The following SP4 variants were observed in gnomAD, a reference collection of about 807,000 sequenced individuals.
SP4 encodes transcription factor Sp4.
In SP4, 19 loss-of-function variants were observed where a neutral mutation model predicts 72.8. The ratio of observed to expected loss-of-function variants is 0.26; its 90% confidence interval spans 0.18 to 0.38. SP4 has a LOEUF of 0.38. Ranked by LOEUF, SP4 falls within the 10% of genes least tolerant of loss-of-function variation. The pLI is 1.00. For missense variants in SP4, 1,008 were observed against 926.3 expected (o/e 1.09, Z -1.14); for synonymous variants, 395 against 333.1 (o/e 1.19, Z -2.02).
At chr7:21,452,731 T>C (rs1035857778) in intron 3 of SP4, among the ~76,000 whole-genome samples, 1 of 152,120 alleles carries the variant, frequency 6.6e-6, no homozygotes, top group Non-Finnish European at 1.5e-5. Flanking sequence ...TCTGCAGAAA[T>C]CTGAGAGAAG....
chr7:21,480,150 A>G (rs911117428), intron 4 of SP4, among the ~76,000 whole-genome samples: 5 of 152,058 alleles, frequency 3.3e-5, no homozygotes, highest in Non-Finnish European at 5.9e-5. Context: ...CTCTGGTACA[A>G]TGTTGACAGT....
rs570989767 is a variant in SP4, at chr7:21,505,371, A to C, written c.2108-5651A>C. ...GAAATTAAGCTTGTGGTGGTTTCTG[A>C]TACCTCGGTCCTCCTCTCCCCAGAA... On this transcript the variant is annotated intron_variant, in intron 5 of 5. Coordinates refer to ENST00000222584, the MANE Select transcript of SP4 (RefSeq NM_003112.5). Among the ~76,000 whole-genome samples, 33 of 152,266 alleles carry C rather than the reference A, an allele frequency of 2.2e-4. 2 individuals carry two copies. In the East Asian group the frequency reaches 4.8e-3, roughly 22 times the overall value.
At chr7:21,507,803 T>C (rs972728561) in intron 5 of SP4, among the ~76,000 whole-genome samples, 2 of 152,118 alleles carry the variant, frequency 1.3e-5, no homozygotes, top group Admixed American at 1.3e-4. Context: ...CCCTGTGTTC[T>C]CAGCACCCCC....
intron 3 of SP4, among the ~76,000 whole-genome samples, chr7:21,457,616 A>G (rs938673080): frequency 2.0e-5 from 3 of 152,220 alleles, no homozygotes; most frequent in Non-Finnish European, 4.4e-5. Flanking sequence ...AGTGTTTTTG[A>G]TAATTAACAG....
chr7:21,502,826 A>G (rs1781904036), intron 5 of SP4, among the ~76,000 whole-genome samples: 1 of 152,184 alleles, frequency 6.6e-6, no homozygotes, highest in African/African-American at 2.4e-5. Flanking sequence ...AAATCGCCCT[A>G]CAGGGTCTTT....
intron 5 of SP4, among the ~76,000 whole-genome samples, chr7:21,495,994 C>G (rs922916539): frequency 3.9e-5 from 6 of 152,116 alleles, no homozygotes; most frequent in African/African-American, 1.4e-4. Flanking sequence ...ATTTCAGAAT[C>G]AAAAGACTGC....
Position 21,430,194 on chromosome 7 carries a change from T to C in SP4, c.1029T>C (p.Asp343=), listed in dbSNP as rs752761245. The C allele has an allele frequency of 1.2e-5, 20 of 1,614,224 alleles. No homozygotes were observed. The highest frequency in any genetic ancestry group is 1.6e-5 in the Non-Finnish European group (19 of 1,180,044). The change falls in exon 3 of 6, where the codon GAT becomes GAC. Residue 343 remains aspartate, a synonymous_variant. Coordinates refer to ENST00000222584, the MANE Select transcript of SP4 (RefSeq NM_003112.5). ...GTGACACATTAGTGAGCTCAGCAGA[T>C]ACTGGCCAGTATGCAAGCACATCAG... is the stretch of plus-strand genomic sequence containing the variant. ...TSSDTLVSSA[D]TGQYASTSAS... is the part of the protein sequence containing the mutation.
chr7:21,461,242 C>T (rs1370062261), intron 3 of SP4, among the ~76,000 whole-genome samples: 1 of 152,106 alleles, frequency 6.6e-6, no homozygotes, highest in Non-Finnish European at 1.5e-5. Context: ...TGCCATGGAG[C>T]AGGGGGCGGT....
At chr7:21,481,460 C>A (rs1471495692) in intron 4 of SP4, among the ~76,000 whole-genome samples, 2 of 152,158 alleles carry the variant, frequency 1.3e-5, no homozygotes, top group African/African-American at 4.8e-5. Context: ...GCTTTTAGAA[C>A]CATTTCCAGA....
intron 5 of SP4, chr7:21,482,803 T>C (rs1176122974): frequency 2.1e-6 from 2 of 964,322 alleles, no homozygotes; most frequent in Non-Finnish European, 2.5e-6. Context: ...ATTTCACTTG[T>C]TTTGAGATCT....
At chr7:21,499,037 G>T (rs1008459296) in intron 5 of SP4, among the ~76,000 whole-genome samples, 10 of 140,944 alleles carry the variant, frequency 7.1e-5, no homozygotes, top group Non-Finnish European at 1.3e-4. Flanking sequence ...CCGAGATCAC[G>T]CCACTGCACT....
At chr7:21,481,821 TC>T in intron 4 of SP4, 102 bp from the exon 5 acceptor site, 2 of 819,702 alleles carry the variant, frequency 2.4e-6, no homozygotes, top group Non-Finnish European at 4.0e-6. Flanking sequence ...TCAAACCTAT[TC>T]AGAGAAGCAT....
At position 21,429,541 on chromosome 7, in the gene SP4, A is replaced by T. The variant is rs746661568; in HGVS notation, c.376A>T (p.Ser126Cys). 1 of 1,614,052 alleles carries T rather than the reference A, an allele frequency of 6.2e-7. No homozygotes were observed. The highest frequency in any genetic ancestry group is 1.1e-5 in the South Asian group (1 of 91,088). The change falls in exon 3 of 6, where the codon AGT (serine) becomes TGT (cysteine). Residue 126 changes from serine (S) to cysteine (C), a missense_variant. This residue lies in a region of SP4 where 893 missense variants were observed against 743.3 expected (regional missense o/e 1.20). Coordinates refer to ENST00000222584, the MANE Select transcript of SP4 (RefSeq NM_003112.5). ...NVSQPASSSS[S>C]SSSSNNGSAS... ...TTCTCAACCAGCCTCTAGTTCGTCTAGTTCTTCCAGCAGTAATAACGGGAG... is the reference window on the plus strand; with the variant it reads ...TTCTCAACCAGCCTCTAGTTCGTCTTGTTCTTCCAGCAGTAATAACGGGAG...
intron 3 of SP4, among the ~76,000 whole-genome samples, chr7:21,456,736 C>T (rs1562598472): frequency 1.3e-5 from 2 of 152,318 alleles, no homozygotes; most frequent in South Asian, 2.1e-4. Context: ...AAATCCTAGA[C>T]AGCACACGGT....
chr7:21,439,430 G>A (rs1475488603), intron 3 of SP4, among the ~76,000 whole-genome samples: 3 of 151,862 alleles, frequency 2.0e-5, no homozygotes. Flanking sequence ...CTTTTAGTGT[G>A]TGCATCACTG....
chr7:21,461,950 A>G (rs1784004681), intron 3 of SP4, among the ~76,000 whole-genome samples: 1 of 152,192 alleles, frequency 6.6e-6, no homozygotes, highest in Non-Finnish European at 1.5e-5. Flanking sequence ...GGACAGGTGA[A>G]AAGGGTATGT....
intron 4 of SP4, among the ~76,000 whole-genome samples, chr7:21,481,623 T>G (rs1458627640): frequency 1.3e-5 from 2 of 152,194 alleles, no homozygotes; most frequent in Admixed American, 1.3e-4. Context: ...AAGTTTCAAG[T>G]GTTTTGAAAG....
intron 3 of SP4, among the ~76,000 whole-genome samples, chr7:21,439,919 G>C (rs935307147): frequency 2.6e-5 from 4 of 152,124 alleles, no homozygotes; most frequent in African/African-American, 9.7e-5. Flanking sequence ...ATGTCTCTCT[G>C]TATGTAAAAT....
chr7:21,453,302 T>C (rs1209673627), intron 3 of SP4, among the ~76,000 whole-genome samples: 1 of 152,114 alleles, frequency 6.6e-6, no homozygotes, highest in African/African-American at 2.4e-5. Flanking sequence ...TCTCCAGTTA[T>C]CAGAAACCTG....
Sources: gnomAD v4.1 joint callset for allele counts (sites outside exome capture counted in the v4.1 genomes callset) on GRCh38, gnomAD v4.1.1 for gene constraint, gnomAD v4.1.1 regional missense constraint, MANE v1.5 for transcripts, NCBI Gene and HGNC (gene_info 2026-07-23, HGNC 2026-07-21) for gene names.